GRID2: variants seen among roughly 807,000 people sequenced by gnomAD.
GRID2 encodes glutamate receptor ionotropic, delta-2.
A neutral mutation model predicts 114.8 loss-of-function variants in GRID2; 33 were observed. The ratio of observed to expected loss-of-function variants is 0.29; its 90% CI spans 0.22 to 0.38. GRID2 has a LOEUF of 0.38. Ranked by LOEUF, GRID2 falls within the 10% of genes least tolerant of loss-of-function variation. The pLI, the probability that GRID2 is intolerant of heterozygous loss-of-function variation, is 1.00. For synonymous variants in GRID2, 505 were observed against 449.9 expected, an observed-to-expected ratio of 1.12 and a Z score of -1.55; for missense variants, 1,184 against 1,257.7, an observed-to-expected ratio of 0.94 and a Z score of 0.89.
At chr4:93,681,054 C>T (rs1476750942) in intron 14 of GRID2, among the ~76,000 whole-genome samples, 3 of 151,414 alleles carry the variant, frequency 2.0e-5, no homozygotes, top group African/African-American at 7.3e-5. Flanking sequence ...CCAAAATCTC[C>T]TTAAGCTGAT....
intron 4 of GRID2, among the ~76,000 whole-genome samples, chr4:93,196,443 G>T (rs1411568988): frequency 1.3e-5 from 2 of 152,054 alleles, no homozygotes; most frequent in African/African-American, 4.8e-5. Flanking sequence ...TTGTTTTCCT[G>T]TGAAGTCTTT....
chr4:92,668,727 C>A (rs1351436907), intron 2 of GRID2, among the ~76,000 whole-genome samples: 1 of 151,860 alleles, frequency 6.6e-6, no homozygotes, highest in East Asian at 1.9e-4. Flanking sequence ...ATATGCTGTT[C>A]TCTTCATAAA....
chr4:93,229,401 G>A (rs1038027365), intron 7 of GRID2, among the ~76,000 whole-genome samples: 1 of 152,112 alleles, frequency 6.6e-6, no homozygotes, highest in Non-Finnish European at 1.5e-5. Flanking sequence ...CCACTCATGC[G>A]GGCTGGAGAT....
At chr4:92,919,896 G>A (rs1304375346) in intron 2 of GRID2, among the ~76,000 whole-genome samples, 6 of 150,714 alleles carry the variant, frequency 4.0e-5, no homozygotes, top group East Asian at 2.0e-4. Context: ...AGTTCAATTC[G>A]ATGTCCTTGT....
intron 1 of GRID2, among the ~76,000 whole-genome samples, chr4:92,379,399 T>A (rs1366142477): frequency 6.6e-6 from 1 of 152,014 alleles, no homozygotes; most frequent in Non-Finnish European, 1.5e-5. Flanking sequence ...TACTCCCTGA[T>A]AGACACTTAT....
chr4:92,670,447 A>C (rs190208848), intron 2 of GRID2, among the ~76,000 whole-genome samples: 40 of 151,876 alleles, frequency 2.6e-4, no homozygotes, highest in African/African-American at 9.7e-4. Flanking sequence ...CATTATTCCT[A>C]TTTGTGGATG....
chr4:93,356,141 T>C (rs1761313740), intron 8 of GRID2, among the ~76,000 whole-genome samples: 1 of 152,226 alleles, frequency 6.6e-6, no homozygotes, highest in South Asian at 2.1e-4. Context: ...TACCTACTTA[T>C]CATCTTTCAC....
intron 2 of GRID2, among the ~76,000 whole-genome samples, chr4:92,731,772 A>G (rs10516913): frequency 0.14 from 20,544 of 151,894 alleles, 1,545 homozygotes; most frequent in East Asian, 0.27. Flanking sequence ...CCTAGGAGAC[A>G]ATAGATGAGT....
intron 5 of GRID2, among the ~76,000 whole-genome samples, chr4:93,211,267 G>T (rs1224935907): frequency 6.6e-6 from 1 of 151,826 alleles, no homozygotes; most frequent in Non-Finnish European, 1.5e-5. Flanking sequence ...TCTTCATATT[G>T]TATAGGTGTA....
chr4:93,131,108 G>A (rs574175116), intron 4 of GRID2, among the ~76,000 whole-genome samples: 1 of 149,604 alleles, frequency 6.7e-6, no homozygotes, highest in East Asian at 2.0e-4. Context: ...TGGTATTTTG[G>A]GACTGATTGC....
At chr4:93,126,672 A>ACTG (rs1430760693) in intron 4 of GRID2, among the ~76,000 whole-genome samples, 1 of 123,890 alleles carries the variant, frequency 8.1e-6, no homozygotes, top group Non-Finnish European at 1.6e-5. Flanking sequence ...ATCTCGGCTC[A>ACTG]CTGCAAGCTC....
chr4:92,647,335 AT>A (rs747135219), intron 2 of GRID2, among the ~76,000 whole-genome samples: 6 of 150,812 alleles, frequency 4.0e-5, no homozygotes, highest in Non-Finnish European at 5.9e-5. Flanking sequence ...ACCTGAGATA[AT>A]TTTGTTTTTT....
At chr4:93,517,978 CATGTATGTATATACATACATGTAT>C (rs1407572041) in intron 13 of GRID2, among the ~76,000 whole-genome samples, 4,703 of 41,802 alleles carry the variant, frequency 0.11, 181 homozygotes, top group African/African-American at 0.24. Flanking sequence ...CATACATGTA[CATGTATGTATATACATACATGTAT>C]ATGTATGTAT....
Position 93,228,542 on chromosome 4 carries a change from G to C in GRID2, c.1125+3767G>C, listed in dbSNP as rs1207408229. On this transcript the variant is annotated intron_variant, in intron 7 of 15. Transcript: ENST00000282020. ...CAAGGATAATTTTAATGAGAATTTT[G>C]GCTGTTATCAACAAAAGTACTTGAG... is the stretch of plus-strand genomic sequence containing the variant. 2.6e-5 allele frequency among the ~76,000 whole-genome samples: 4 copies of C among 152,030 alleles called. No individual in the cohort carries two copies. The East Asian group carries it at 7.7e-4, about 29-fold the overall frequency.
rs1450562479 is a variant in GRID2, at chr4:92,380,104, T to C, written c.88+75360T>C. 2.6e-5 allele frequency among the ~76,000 whole-genome samples: 4 copies of C among 152,064 alleles called. No individual in the cohort carries two copies. The East Asian group carries it at 7.7e-4, about 29-fold the overall frequency. On this transcript the variant is annotated intron_variant, in intron 1 of 15. Coordinates refer to ENST00000282020, the MANE Select transcript of GRID2 (RefSeq NM_001510.4). ...GTGGTATAATGGGCCCTTGATTTGT[T>C]AGCATCAGCAAAGCAAGGCTAACAA...
chr4:92,590,855 G>C (rs1728678147), intron 2 of GRID2, among the ~76,000 whole-genome samples: 1 of 151,916 alleles, frequency 6.6e-6, no homozygotes, highest in Non-Finnish European at 1.5e-5. Context: ...TTTTTTCATT[G>C]GTGCAAAGTA....
At chr4:92,951,333 T>TTTATTTATTTATTTA (rs1752018815) in intron 2 of GRID2, among the ~76,000 whole-genome samples, 6 of 150,388 alleles carry the variant, frequency 4.0e-5, no homozygotes, top group African/African-American at 1.5e-4. Flanking sequence ...TCGCAAAATT[T>TTTATTTATTTATTTA]TTTATTTATT....
At chr4:92,859,091 TGAAA>T (rs1744363559) in intron 2 of GRID2, among the ~76,000 whole-genome samples, 2 of 152,086 alleles carry the variant, frequency 1.3e-5, no homozygotes, top group Admixed American at 6.6e-5. Flanking sequence ...AAATCTTTTG[TGAAA>T]GAAAGAAAGA....
In GRID2 at chr4:93,673,544, A is replaced by T. The variant is rs116951585; in HGVS notation, c.2360+47109A>T. Among the ~76,000 whole-genome samples, 21 of 152,238 alleles carry T rather than the reference A, an allele frequency of 1.4e-4. 1 individual carries two copies. In the East Asian group the frequency reaches 4.1e-3, roughly 29 times the overall value. On this transcript the variant is annotated intron_variant, in intron 14 of 15. Transcript: ENST00000282020. Reference sequence around the variant, plus strand: ...AAAAAATGTAACACAAACATCTTACAATCACTTTTTTTCACAAGACATTAT... The same window carrying T: ...AAAAAATGTAACACAAACATCTTACTATCACTTTTTTTCACAAGACATTAT...
Sources: gnomAD v4.1 joint callset for allele counts (sites outside exome capture counted in the v4.1 genomes callset) on GRCh38, gnomAD v4.1.1 for gene constraint, MANE v1.5 for transcripts, NCBI Gene and HGNC (gene_info 2026-07-23, HGNC 2026-07-21) for gene names.